The following NRXN3 variants were observed in gnomAD, a reference collection of about 807,000 sequenced individuals.
NRXN3 encodes the protein neurexin III.
NRXN3 carries 32 observed loss-of-function variants against 137.6 expected under a neutral mutation model. The observed-to-expected ratio is 0.23, with a 90% CI of 0.18 to 0.31. The LOEUF (loss-of-function observed/expected upper bound fraction) is 0.31. Among genes scored for constraint, NRXN3 ranks in the 10% least tolerant of loss-of-function variants. The pLI is 1.00. For missense variants in NRXN3, 1,574 were observed against 2,062.5 expected (o/e 0.76, Z 4.59); for synonymous variants, 798 against 784.5 (o/e 1.02, Z -0.29).
chr14:78,517,343 G>A (rs1210057419), intron 4 of NRXN3, among the ~76,000 whole-genome samples: 1 of 152,084 alleles, frequency 6.6e-6, no homozygotes, highest in Non-Finnish European at 1.5e-5. Flanking sequence ...CACATGAACA[G>A]GTTCTGTCCT....
At chr14:79,380,966 A>T (rs1452315619) in intron 15 of NRXN3, among the ~76,000 whole-genome samples, 4 of 152,040 alleles carry the variant, frequency 2.6e-5, no homozygotes, top group African/African-American at 9.7e-5. Context: ...GAAGGGGATA[A>T]TGTAGTTGAG....
chr14:78,282,865 G>A (rs1348384107), intron 3 of NRXN3, among the ~76,000 whole-genome samples: 14 of 152,184 alleles, frequency 9.2e-5, no homozygotes, highest in Admixed American at 9.2e-4. Context: ...GACACAGAGG[G>A]GATGCACTTG....
chr14:78,368,474 G>A (rs1190743352), intron 4 of NRXN3, among the ~76,000 whole-genome samples: 1 of 152,124 alleles, frequency 6.6e-6, no homozygotes, highest in African/African-American at 2.4e-5. Context: ...ACTTTGGGAG[G>A]CCGAGGTGGG....
chr14:78,282,807 G>A (rs2074594693), intron 3 of NRXN3, among the ~76,000 whole-genome samples: 1 of 152,222 alleles, frequency 6.6e-6, no homozygotes, highest in African/African-American at 2.4e-5. Context: ...ACTCAGTCCA[G>A]CCTGAACCCA....
chr14:79,817,211 C>T (rs961055606), intron 20 of NRXN3, among the ~76,000 whole-genome samples: 1 of 152,086 alleles, frequency 6.6e-6, no homozygotes, highest in Non-Finnish European at 1.5e-5. Flanking sequence ...TGCCACCATA[C>T]CCAGCTAATT....
At chr14:79,756,061 T>C (rs1318774071) in intron 19 of NRXN3, among the ~76,000 whole-genome samples, 1 of 152,150 alleles carries the variant, frequency 6.6e-6, no homozygotes, top group Non-Finnish European at 1.5e-5. Flanking sequence ...TTGTAGGGAC[T>C]TTAATAGCCC....
chr14:78,733,680 G>A (rs2098527635), intron 8 of NRXN3, among the ~76,000 whole-genome samples: 1 of 152,200 alleles, frequency 6.6e-6, no homozygotes, highest in East Asian at 1.9e-4. Context: ...CAGAGAGTAA[G>A]TGTGCAGGAA....
At chr14:78,309,928 G>A (rs932376751) in intron 4 of NRXN3, among the ~76,000 whole-genome samples, 1 of 151,972 alleles carries the variant, frequency 6.6e-6, no homozygotes, top group African/African-American at 2.4e-5. Flanking sequence ...TTTTTTGGAA[G>A]GGTTCGTTTA....
intron 20 of NRXN3, among the ~76,000 whole-genome samples, chr14:79,842,010 T>C (rs1206572193): frequency 6.6e-6 from 1 of 152,212 alleles, no homozygotes; most frequent in African/African-American, 2.4e-5. Context: ...CAAAGCACCA[T>C]ATTAGGAACT....
At chr14:79,277,933 A>G (rs558465601) in intron 15 of NRXN3, among the ~76,000 whole-genome samples, 1 of 152,304 alleles carries the variant, frequency 6.6e-6, no homozygotes, top group East Asian at 1.9e-4. Context: ...GTTCACTGCC[A>G]TAAATTCTGA....
chr14:78,916,639 C>A (rs920136962), intron 10 of NRXN3, among the ~76,000 whole-genome samples: 4 of 152,142 alleles, frequency 2.6e-5, no homozygotes, highest in African/African-American at 9.7e-5. Context: ...CATGTTCAGC[C>A]ATGTACATGT....
intron 15 of NRXN3, among the ~76,000 whole-genome samples, chr14:79,461,615 A>T (rs2096342491): frequency 6.6e-6 from 1 of 152,246 alleles, no homozygotes; most frequent in Non-Finnish European, 1.5e-5. Flanking sequence ...TAGAAGAGAT[A>T]TTTATCAGTT....
At chr14:79,454,601 A>C (rs2096232578) in intron 15 of NRXN3, among the ~76,000 whole-genome samples, 1 of 152,176 alleles carries the variant, frequency 6.6e-6, no homozygotes, top group Non-Finnish European at 1.5e-5. Context: ...CCTAGTAACA[A>C]ATTCTAAAAC....
At chr14:79,225,561 C>G (rs2153240472) in intron 15 of NRXN3, among the ~76,000 whole-genome samples, 1 of 152,230 alleles carries the variant, frequency 6.6e-6, no homozygotes, top group South Asian at 2.1e-4. Flanking sequence ...AACCTATTAT[C>G]TTAGACTTTT....
chr14:78,830,694 T>A (rs1401439142), intron 10 of NRXN3, among the ~76,000 whole-genome samples: 1 of 152,090 alleles, frequency 6.6e-6, no homozygotes, highest in Non-Finnish European at 1.5e-5. Flanking sequence ...GGAGCTCTTT[T>A]TTTTTTCATT....
intron 1 of NRXN3, among the ~76,000 whole-genome samples, chr14:78,200,030 A>T (rs986085330): frequency 2.6e-5 from 4 of 152,178 alleles, no homozygotes; most frequent in African/African-American, 9.7e-5. Flanking sequence ...GGTCCCTCTC[A>T]CCAGATTGTG....
rs560363084 is a variant in NRXN3, at chr14:79,183,286, A to G, written c.3262+195145A>G. Among the ~76,000 whole-genome samples the G allele has an allele frequency of 5.7e-4, 87 of 152,320 alleles. 1 individual carries two copies. The South Asian group carries it at 0.018, about 31-fold the overall frequency. On this transcript the variant is annotated intron_variant, in intron 15 of 20. Coordinates refer to ENST00000335750, the MANE Select transcript of NRXN3 (RefSeq NM_001330195.2). ...CCTATACTTCAGTTTTTCATGTGTT[A>G]TAGCAAGATCTGTACTAGAATTAGC... is the stretch of plus-strand genomic sequence containing the variant.
intron 15 of NRXN3, among the ~76,000 whole-genome samples, chr14:79,088,983 C>A (rs2048653067): frequency 6.6e-6 from 1 of 152,094 alleles, no homozygotes; most frequent in South Asian, 2.1e-4. Context: ...TGACACCAAC[C>A]CCCAAAGACA....
intron 6 of NRXN3, among the ~76,000 whole-genome samples, chr14:78,694,627 T>A (rs1460660427): frequency 6.6e-6 from 1 of 151,966 alleles, no homozygotes; most frequent in African/African-American, 2.4e-5. Flanking sequence ...TCAGGCAGCT[T>A]CTCTGTACTA....
Sources: gnomAD v4.1 joint callset for allele counts (sites outside exome capture counted in the v4.1 genomes callset) on GRCh38, gnomAD v4.1.1 for gene constraint, MANE v1.5 for transcripts, NCBI Gene and HGNC (gene_info 2026-07-23, HGNC 2026-07-21) for gene names.